NME7: variants seen among roughly 807,000 people sequenced by gnomAD.
NME7 encodes the protein NME/NM23 family member 7.
Under a neutral mutation model 49.1 loss-of-function variants are expected in NME7, and 41 were observed. The ratio of observed to expected loss-of-function variants is 0.83; its 90% confidence interval spans 0.65 to 1.08. NME7 has a LOEUF of 1.08. Ranked by LOEUF, NME7 falls within the 50% of genes least tolerant of loss-of-function variation. NME7 has a pLI of 0.00. For synonymous variants in NME7, 139 were observed against 150.6 expected (o/e 0.92, Z 0.56); for missense variants, 423 against 463.4 (o/e 0.91, Z 0.80).
In NME7 at chr1:169,276,229, T is replaced by C. The variant is rs542177915; in HGVS notation, c.754+11074A>G. Among the ~76,000 whole-genome samples, 8 of 134,010 alleles carry C rather than the reference T, an allele frequency of 6.0e-5. 1 individual carries two copies. Among genetic ancestry groups the C allele is most frequent in the African/African-American group, 1.5e-4 (6 of 39,680 alleles). 87.9% of individuals were successfully genotyped at this position (134,010 alleles called of 152,430 possible). ...AATGAGTTAGGGAGGATTCCCTCTT[T>C]TTTTATTCAGTGGAATAGTTTCAGA... On this transcript the variant is annotated intron_variant, in intron 7 of 11. Coordinates refer to ENST00000367811, the MANE Select transcript of NME7 (RefSeq NM_013330.5).
intron 7 of NME7, among the ~76,000 whole-genome samples, chr1:169,265,519 T>C (rs1649291712): frequency 7.6e-6 from 1 of 132,156 alleles, no homozygotes; most frequent in African/African-American, 2.6e-5. Flanking sequence ...AACACCCACA[T>C]CAAAAAGTTG....
chr1:169,162,598 CG>C (rs1659283210), intron 11 of NME7, among the ~76,000 whole-genome samples: 1 of 152,026 alleles, frequency 6.6e-6, no homozygotes, highest in South Asian at 2.1e-4. Flanking sequence ...AATCCCAAAA[CG>C]GTGGGAGGCT....
At chr1:169,304,668 T>C (rs1428984874) in intron 4 of NME7, among the ~76,000 whole-genome samples, 2 of 152,214 alleles carry the variant, frequency 1.3e-5, no homozygotes, top group Non-Finnish European at 2.9e-5. Flanking sequence ...GTGATCACCT[T>C]TATTTTACAT....
At chr1:169,260,101 A>C (rs1167373934) in intron 7 of NME7, among the ~76,000 whole-genome samples, 1 of 133,960 alleles carries the variant, frequency 7.5e-6, no homozygotes, top group African/African-American at 2.5e-5. Context: ...AGTAGATGTA[A>C]GTTGGTGATA....
In NME7 at chr1:169,158,660, T is replaced by C. The variant is rs7519735; in HGVS notation, c.1098+10787A>G. 9.3e-3 allele frequency among the ~76,000 whole-genome samples: 1,410 copies of C among 152,284 alleles called. 22 individuals carry two copies. The highest frequency in any genetic ancestry group is 0.032 in the African/African-American group (1,331 of 41,560). ...ATGCATGCCATTGATTGGGAACCGCTGCACTAGGACGGTAGTTCTCAAATT... is the reference window on the plus strand; with the variant it reads ...ATGCATGCCATTGATTGGGAACCGCCGCACTAGGACGGTAGTTCTCAAATT... On this transcript the variant is annotated intron_variant, in intron 11 of 11. Coordinates refer to ENST00000367811, the MANE Select transcript of NME7 (RefSeq NM_013330.5).
intron 10 of NME7, among the ~76,000 whole-genome samples, chr1:169,198,875 T>C (rs1660464312): frequency 6.6e-6 from 1 of 152,176 alleles, no homozygotes. Context: ...AAAAATCACA[T>C]GTATAGACCT....
intron 11 of NME7, among the ~76,000 whole-genome samples, chr1:169,135,515 A>G (rs1369467558): frequency 6.6e-6 from 1 of 152,238 alleles, no homozygotes; most frequent in African/African-American, 2.4e-5. Context: ...AACAGACAAT[A>G]GCAGTTTTAA....
At chr1:169,286,336 G>C (rs756576683) in intron 7 of NME7, 1 of 151,800 alleles carries the variant, frequency 6.6e-6, no homozygotes, top group Non-Finnish European at 1.5e-5. Context: ...GGATTACTTG[G>C]ATACTTAGGA....
chr1:169,184,422 A>G (rs1660012763), intron 10 of NME7, among the ~76,000 whole-genome samples: 1 of 152,250 alleles, frequency 6.6e-6, no homozygotes, highest in Non-Finnish European at 1.5e-5. Context: ...GTCTTTTGAC[A>G]GTACCTCAAA....
At chr1:169,355,054 A>T (rs1299697721) in intron 1 of NME7, among the ~76,000 whole-genome samples, 8 of 75,674 alleles carry the variant, frequency 1.1e-4, no homozygotes, top group Non-Finnish European at 2.3e-5. Flanking sequence ...TATAATATAT[A>T]ATATACTATA....
At chr1:169,211,351 A>G (rs1021399627) in intron 10 of NME7, among the ~76,000 whole-genome samples, 3 of 152,130 alleles carry the variant, frequency 2.0e-5, no homozygotes, top group Non-Finnish European at 4.4e-5. Flanking sequence ...GATAGTATAA[A>G]GTTCTTTTTG....
intron 3 of NME7, among the ~76,000 whole-genome samples, chr1:169,316,845 T>C (rs1310669169): frequency 6.6e-6 from 1 of 152,144 alleles, no homozygotes; most frequent in Non-Finnish European, 1.5e-5. Context: ...ATTGGACTTC[T>C]GACAGAACTG....
intron 11 of NME7, among the ~76,000 whole-genome samples, chr1:169,147,954 G>C (rs1298378678): frequency 6.6e-6 from 1 of 152,006 alleles, no homozygotes; most frequent in African/African-American, 2.4e-5. Flanking sequence ...ATTATTTCTT[G>C]AAAGAAATAA....
chr1:169,204,561 A>G (rs1291303968), intron 10 of NME7, among the ~76,000 whole-genome samples: 1 of 152,074 alleles, frequency 6.6e-6, no homozygotes, highest in Non-Finnish European at 1.5e-5. Context: ...CAGATTATAG[A>G]AATTCTAAGT....
At chr1:169,246,269 G>A (rs1481571969) in intron 7 of NME7, among the ~76,000 whole-genome samples, 1 of 152,150 alleles carries the variant, frequency 6.6e-6, no homozygotes, top group East Asian at 1.9e-4. Flanking sequence ...TGGCACAACT[G>A]CAATCCAGCC....
At chr1:169,287,996 CA>C (rs1407761588) in intron 6 of NME7, among the ~76,000 whole-genome samples, 1 of 152,140 alleles carries the variant, frequency 6.6e-6, no homozygotes, top group Non-Finnish European at 1.5e-5. Flanking sequence ...CAAAGATGTT[CA>C]CACTAATCAG....
chr1:169,161,823 G>C lies in NME7; in HGVS notation c.1098+7624C>G, dbSNP rs147692597. 6.5e-3 allele frequency among the ~76,000 whole-genome samples: 983 copies of C among 152,324 alleles called. 14 individuals are homozygous for C. The highest frequency in any genetic ancestry group is 0.022 in the African/African-American group (922 of 41,564). On this transcript the variant is annotated intron_variant, in intron 11 of 11. Transcript: ENST00000367811. ...ATATTATGGGAGGGGCCTGAATGCT[G>C]CTAAAATGTAGACCTAGGTTCTATA... is the stretch of plus-strand genomic sequence containing the variant.
At chr1:169,239,926 A>G (rs1447821479) in intron 7 of NME7, among the ~76,000 whole-genome samples, 1 of 152,028 alleles carries the variant, frequency 6.6e-6, no homozygotes, top group Non-Finnish European at 1.5e-5. Context: ...AGAAGGACTT[A>G]TGGACCATAT....
chr1:169,298,570 CA>C lies in NME7; in HGVS notation c.633del (p.Phe211LeufsTer48). The C allele has an allele frequency of 6.2e-7, 1 of 1,613,680 alleles. No individual in the cohort carries two copies. Among genetic ancestry groups the C allele is most frequent in the Non-Finnish European group, 8.5e-7 (1 of 1,179,802 alleles). ...AAACACCTTACTCTGGCCGCAGAAGCAAAAGAATCAGGGCCATGCGCTGCAT... is the reference window on the plus strand; with the variant it reads ...AAACACCTTACTCTGGCCGCAGAAGCAAAGAATCAGGGCCATGCGCTGCAT... ...IRNAAHGPDS[F>X]ASAAREMELF... On this transcript the variant is annotated frameshift_variant, in exon 6 of 12. Coordinates refer to ENST00000367811, the MANE Select transcript of NME7 (RefSeq NM_013330.5). LOFTEE classifies it high-confidence loss of function.
Sources: gnomAD v4.1 joint callset for allele counts (sites outside exome capture counted in the v4.1 genomes callset) on GRCh38, gnomAD v4.1.1 for gene constraint, MANE v1.5 for transcripts, NCBI Gene and HGNC (gene_info 2026-07-23, HGNC 2026-07-21) for gene names.